The following CNTN6 variants were observed in gnomAD, a reference collection of about 807,000 sequenced individuals.
CNTN6 encodes contactin-6.
A neutral mutation model predicts 122.8 loss-of-function variants in CNTN6; 137 were observed. The observed-to-expected ratio is 1.12, with a 90% CI of 0.97 to 1.29. CNTN6 has a LOEUF of 1.29. Ranked by LOEUF, CNTN6 falls within the 50% of genes most tolerant of loss-of-function variation. CNTN6 has a pLI of 0.00. For missense variants in CNTN6, 1,634 were observed against 1,223.4 expected (o/e 1.34, Z -5.01); for synonymous variants, 570 against 426.0 (o/e 1.34, Z -4.16).
At chr3:1,306,258 T>G (rs1698334906) in intron 7 of CNTN6, among the ~76,000 whole-genome samples, 2 of 152,210 alleles carry the variant, frequency 1.3e-5, no homozygotes, top group Admixed American at 6.5e-5. Context: ...TTTAGATTCT[T>G]GCTAATGGCT....
chr3:1,392,781 A>G (rs1694362083), intron 20 of CNTN6, among the ~76,000 whole-genome samples: 1 of 141,232 alleles, frequency 7.1e-6, no homozygotes, highest in Non-Finnish European at 1.6e-5. Flanking sequence ...GAAGACATTT[A>G]TGCAGCCAAA....
chr3:1,172,049 C>T (rs935654061), intron 2 of CNTN6, among the ~76,000 whole-genome samples: 1 of 152,124 alleles, frequency 6.6e-6, no homozygotes. Flanking sequence ...AACTCCTATC[C>T]CTCTCCCATC....
At chr3:1,392,802 A>C (rs1694365975) in intron 20 of CNTN6, among the ~76,000 whole-genome samples, 1 of 139,258 alleles carries the variant, frequency 7.2e-6, no homozygotes, top group African/African-American at 2.7e-5. Flanking sequence ...AAACACATGA[A>C]AAAATGCTCA....
intron 22 of CNTN6, chr3:1,402,919 C>A (rs1320443246): frequency 1.0e-5 from 2 of 195,016 alleles, no homozygotes; most frequent in Non-Finnish European, 2.1e-5. Flanking sequence ...TCACAACTTT[C>A]AAGTCCTCCT....
intron 2 of CNTN6, chr3:1,173,287 T>A: frequency 2.2e-6 from 1 of 456,692 alleles, no homozygotes; most frequent in Non-Finnish European, 4.4e-6. Flanking sequence ...TTATGCTAAG[T>A]GCCCTTATAT....
At chr3:1,099,360 A>G (rs1559308022) in intron 1 of CNTN6, among the ~76,000 whole-genome samples, 1 of 151,916 alleles carries the variant, frequency 6.6e-6, no homozygotes, top group Non-Finnish European at 1.5e-5. Flanking sequence ...CTGAGGCGGG[A>G]GAATGGCGGG....
chr3:1,306,141 T>C (rs1264727621), intron 7 of CNTN6, among the ~76,000 whole-genome samples: 1 of 152,180 alleles, frequency 6.6e-6, no homozygotes, highest in Non-Finnish European at 1.5e-5. Flanking sequence ...TCTAAAAAAT[T>C]GTTTACCTTT....
At chr3:1,290,086 C>G (rs1346451143) in intron 5 of CNTN6, among the ~76,000 whole-genome samples, 2 of 152,226 alleles carry the variant, frequency 1.3e-5, no homozygotes, top group Non-Finnish European at 2.9e-5. Flanking sequence ...CCCAGACTTA[C>G]TGAATCACAG....
chr3:1,236,125 CTA>C (rs2094418491), intron 4 of CNTN6, among the ~76,000 whole-genome samples: 1 of 151,874 alleles, frequency 6.6e-6, no homozygotes, highest in Non-Finnish European at 1.5e-5. Context: ...TGGTCTTTCT[CTA>C]TGTGTCCTGG....
chr3:1,275,378 T>G (rs1426468936), intron 4 of CNTN6, among the ~76,000 whole-genome samples: 103 of 152,228 alleles, frequency 6.8e-4, no homozygotes, highest in Non-Finnish European at 1.2e-4. Flanking sequence ...GAAACTTTTC[T>G]TGGCAAGATC....
chr3:1,156,615 TTTTC>T lies in CNTN6; in HGVS notation c.55+8566_55+8569del, dbSNP rs146721292. ...GACTTTCTTTCTTTCTTTCTTTTTC[TTTTC>T]TTTCTTTCTTTCTCTTTCTTTCTTT... On this transcript the variant is annotated intron_variant, in intron 2 of 22. Transcript: ENST00000446702. Among the ~76,000 whole-genome samples the T allele has an allele frequency of 9.3e-4, 140 of 150,954 alleles. 1 individual carries two copies. Among genetic ancestry groups the T allele is most frequent in the Admixed American group, 1.9e-3 (29 of 15,188 alleles).
rs543116224 is a variant in CNTN6 at position 1,118,528 on chromosome 3, A to G, written c.-83+25408A>G. Among the ~76,000 whole-genome samples, 3 of 152,248 alleles carry G rather than the reference A, an allele frequency of 2.0e-5. No individual in the cohort carries two copies. In the East Asian group the frequency reaches 5.8e-4, roughly 29 times the overall value. On this transcript the variant is annotated intron_variant, in intron 1 of 22. Coordinates refer to ENST00000446702, the MANE Select transcript of CNTN6 (RefSeq NM_001289080.2). ...TCCCCCAATAATGTCCTTTTTCTGTAAGTTTTTTCAACTATCATTCATCTT... is the reference window on the plus strand; with the variant it reads ...TCCCCCAATAATGTCCTTTTTCTGTGAGTTTTTTCAACTATCATTCATCTT...
intron 17 of CNTN6, among the ~76,000 whole-genome samples, chr3:1,378,089 CTT>C (rs1177004871): frequency 2.0e-5 from 3 of 152,052 alleles, no homozygotes; most frequent in African/African-American, 7.2e-5. Flanking sequence ...TATTCTCTCT[CTT>C]GTAGGTGGTC....
chr3:1,387,980 G>A (rs929331619), intron 20 of CNTN6, among the ~76,000 whole-genome samples: 1 of 152,088 alleles, frequency 6.6e-6, no homozygotes, highest in African/African-American at 2.4e-5. Context: ...CAGCGAGGCT[G>A]GGGGAGGGGC....
intron 1 of CNTN6, among the ~76,000 whole-genome samples, chr3:1,133,251 C>T (rs1467405230): frequency 6.6e-6 from 1 of 151,908 alleles, no homozygotes; most frequent in Non-Finnish European, 1.5e-5. Flanking sequence ...TAGAGAATTC[C>T]AAGGAGATGG....
intron 9 of CNTN6, 136 bp from the exon 10 acceptor site, chr3:1,327,321 C>T (rs1424679511): frequency 5.4e-6 from 5 of 920,230 alleles, no homozygotes; most frequent in African/African-American, 1.7e-5. Context: ...AAATGCTGCT[C>T]AGAATCTAGT....
At chr3:1,338,057 C>G (rs541406268) in intron 11 of CNTN6, among the ~76,000 whole-genome samples, 6 of 152,240 alleles carry the variant, frequency 3.9e-5, no homozygotes, top group African/African-American at 1.4e-4. Context: ...TCAATGTACG[C>G]TGTTTTACCC....
chr3:1,219,830 C>T (rs576427112), intron 2 of CNTN6, among the ~76,000 whole-genome samples: 1 of 151,340 alleles, frequency 6.6e-6, no homozygotes, highest in African/African-American at 2.4e-5. Context: ...AGCCTGGCAA[C>T]ATGGTGAAAC....
intron 3 of CNTN6, among the ~76,000 whole-genome samples, chr3:1,224,619 T>TA (rs2094254379): frequency 6.6e-6 from 1 of 152,170 alleles, no homozygotes; most frequent in South Asian, 2.1e-4. Context: ...ATATACCATG[T>TA]AATTCTAAAG....
Sources: gnomAD v4.1 joint callset for allele counts (sites outside exome capture counted in the v4.1 genomes callset) on GRCh38, gnomAD v4.1.1 for gene constraint, MANE v1.5 for transcripts, NCBI Gene and HGNC (gene_info 2026-07-23, HGNC 2026-07-21) for gene names.